ROBO1: variants seen among roughly 807,000 people sequenced by gnomAD.
The protein encoded by ROBO1 is roundabout guidance receptor 1, also known as roundabout homolog 1.
In ROBO1, 149 loss-of-function variants were observed where a neutral mutation model predicts 195.9. The observed-to-expected ratio is 0.76, with a 90% confidence interval of 0.67 to 0.87. ROBO1 has a LOEUF of 0.87. Ranked by LOEUF, ROBO1 falls within the 40% of genes least tolerant of loss-of-function variation. The pLI, the probability that ROBO1 is intolerant of heterozygous loss-of-function variation, is 0.00. For missense variants in ROBO1, 1,933 were observed against 2,068.3 expected, an observed-to-expected ratio of 0.93 and a Z score of 1.27; for synonymous variants, 816 against 733.2, an observed-to-expected ratio of 1.11 and a Z score of -1.82.
chr3:79,713,364 ATCT>A (rs1702348962), intron 1 of ROBO1, among the ~76,000 whole-genome samples: 1 of 152,066 alleles, frequency 6.6e-6, no homozygotes. Flanking sequence ...TAAATTGAAA[ATCT>A]TCTGGAAAAA....
chr3:78,688,845 A>G (rs987727565), intron 8 of ROBO1, 73 bp from the exon 9 acceptor site: 2 of 1,419,626 alleles, frequency 1.4e-6, no homozygotes, highest in Non-Finnish European at 1.9e-6. Flanking sequence ...AATCTCTTAT[A>G]TTCTAAGTGC....
intron 2 of ROBO1, among the ~76,000 whole-genome samples, chr3:79,209,772 TTA>T (rs1205645673): frequency 6.6e-6 from 1 of 152,060 alleles, no homozygotes; most frequent in East Asian, 1.9e-4. Context: ...CATGATATGA[TTA>T]TATGTCTAGA....
At chr3:78,633,202 A>G (rs1318485193) in intron 24 of ROBO1, among the ~76,000 whole-genome samples, 1 of 152,218 alleles carries the variant, frequency 6.6e-6, no homozygotes, top group East Asian at 1.9e-4. Flanking sequence ...TAGAGTCAAG[A>G]TCAGTCGGTT....
At chr3:79,265,231 G>A (rs1032721716) in intron 2 of ROBO1, among the ~76,000 whole-genome samples, 1 of 151,522 alleles carries the variant, frequency 6.6e-6, no homozygotes, top group Non-Finnish European at 1.5e-5. Flanking sequence ...ATCAGGATAG[G>A]GATGAGTATC....
chr3:79,112,526 G>T (rs977426296), intron 3 of ROBO1, among the ~76,000 whole-genome samples: 2 of 152,116 alleles, frequency 1.3e-5, no homozygotes, highest in Admixed American at 6.5e-5. Context: ...AGTTTATTTT[G>T]CTGTGGTTTA....
intron 1 of ROBO1, among the ~76,000 whole-genome samples, chr3:79,691,211 A>G (rs1947287659): frequency 6.6e-6 from 1 of 151,798 alleles, no homozygotes; most frequent in Non-Finnish European, 1.5e-5. Flanking sequence ...TGACATTTCT[A>G]ATGCCAGATA....
intron 1 of ROBO1, among the ~76,000 whole-genome samples, chr3:79,730,531 C>A (rs1028222981): frequency 2.0e-5 from 3 of 151,954 alleles, no homozygotes; most frequent in Admixed American, 1.3e-4. Context: ...CACTTGGGGG[C>A]CAATAAAAAA....
intron 1 of ROBO1, among the ~76,000 whole-genome samples, chr3:79,722,464 C>T (rs2107302691): frequency 6.6e-6 from 1 of 152,294 alleles, no homozygotes; most frequent in African/African-American, 2.4e-5. Flanking sequence ...AGGTCCACAG[C>T]CATTCATGAA....
chr3:79,445,087 T>C (rs1046986730), intron 2 of ROBO1, among the ~76,000 whole-genome samples: 5 of 152,104 alleles, frequency 3.3e-5, no homozygotes, highest in Non-Finnish European at 4.4e-5. Flanking sequence ...TTAGTGTCTA[T>C]TTTATGACAA....
chr3:79,178,082 T>C (rs2081285245), intron 2 of ROBO1, among the ~76,000 whole-genome samples: 1 of 152,216 alleles, frequency 6.6e-6, no homozygotes, highest in South Asian at 2.1e-4. Flanking sequence ...ACCTCGATTT[T>C]TGACAATTTG....
chr3:79,094,490 A>G (rs1378698583), intron 3 of ROBO1, among the ~76,000 whole-genome samples: 2 of 152,134 alleles, frequency 1.3e-5, no homozygotes, highest in Non-Finnish European at 2.9e-5. Context: ...TTCACTGCAC[A>G]TGGCAGGTCA....
intron 4 of ROBO1, among the ~76,000 whole-genome samples, chr3:78,775,307 A>G (rs912058960): frequency 2.6e-5 from 4 of 152,244 alleles, no homozygotes; most frequent in African/African-American, 9.6e-5. Context: ...GCAAGGCTGA[A>G]GGTACAGACG....
chr3:78,927,473 G>T (rs1275336177), intron 4 of ROBO1, among the ~76,000 whole-genome samples: 1 of 152,146 alleles, frequency 6.6e-6, no homozygotes, highest in African/African-American at 2.4e-5. Flanking sequence ...TCATATAATT[G>T]TGGAAGTCAC....
chr3:79,070,722 A>G (rs995615760), intron 3 of ROBO1, among the ~76,000 whole-genome samples: 9 of 151,708 alleles, frequency 5.9e-5, no homozygotes, highest in African/African-American at 1.9e-4. Flanking sequence ...CTTTAATCTG[A>G]AGAGCCATGT....
At chr3:79,050,822 C>T (rs142631143) in intron 3 of ROBO1, among the ~76,000 whole-genome samples, 5 of 152,138 alleles carry the variant, frequency 3.3e-5, no homozygotes, top group African/African-American at 1.2e-4. Flanking sequence ...GGGTAAATAA[C>T]AAAATGAAGG....
chr3:79,118,129 G>A (rs1300063737), intron 3 of ROBO1, among the ~76,000 whole-genome samples: 2 of 152,096 alleles, frequency 1.3e-5, no homozygotes, highest in South Asian at 2.1e-4. Context: ...AGACAGGTAC[G>A]AGTCTTACTA....
At chr3:79,434,362 A>G (rs1470161213) in intron 2 of ROBO1, among the ~76,000 whole-genome samples, 1 of 152,222 alleles carries the variant, frequency 6.6e-6, no homozygotes, top group Non-Finnish European at 1.5e-5. Flanking sequence ...ACTCAAACAA[A>G]TTCACAAGAA....
Position 79,635,388 on chromosome 3 carries a change from G to C in ROBO1, c.-50-45427C>G, listed in dbSNP as rs142365254. Among the ~76,000 whole-genome samples the C allele has an allele frequency of 1.8e-3, 270 of 152,244 alleles. 1 individual carries two copies. The highest frequency in any genetic ancestry group is 4.9e-3 in the African/African-American group (204 of 41,578). ...TGTTCCTACCCTCAATAGCCAATAAGTGATTCATTATTGCTAGTGAGCCTG... is the reference window on the plus strand; with the variant it reads ...TGTTCCTACCCTCAATAGCCAATAACTGATTCATTATTGCTAGTGAGCCTG... On this transcript the variant is annotated intron_variant, in intron 1 of 30. Coordinates refer to ENST00000464233, the MANE Select transcript of ROBO1 (RefSeq NM_002941.4).
intron 3 of ROBO1, among the ~76,000 whole-genome samples, chr3:78,954,693 T>C (rs1179537386): frequency 6.6e-6 from 1 of 151,806 alleles, no homozygotes; most frequent in Admixed American, 6.6e-5. Flanking sequence ...TAGAACAAAT[T>C]ATATGGTACT....
Sources: gnomAD v4.1 joint callset for allele counts (sites outside exome capture counted in the v4.1 genomes callset) on GRCh38, gnomAD v4.1.1 for gene constraint, MANE v1.5 for transcripts, NCBI Gene and HGNC (gene_info 2026-07-23, HGNC 2026-07-21) for gene names.